The following OR2A25 variants were observed in gnomAD, a reference collection of about 807,000 sequenced individuals.
The protein encoded by OR2A25 is olfactory receptor family 2 subfamily A member 25.
For synonymous variants in OR2A25, 162 were observed against 148.1 expected (o/e 1.09, Z -0.68); for missense variants, 362 against 368.3 (o/e 0.98, Z 0.14).
chr7:144,070,166 C>T (rs1405658647), intron 1 of OR2A25: 3 of 152,154 alleles, frequency 2.0e-5, no homozygotes, highest in African/African-American at 7.2e-5. Flanking sequence ...CACTGCAACA[C>T]ACTTTCATAG....
chr7:144,075,204 T>G lies in OR2A25; in HGVS notation c.*52T>G, dbSNP rs1468354729. ...GGCTTCAAAGGGCTTTGAGATTACATCTGAACCCATCCCTACTCAGGATAC... is the reference window on the plus strand; with the variant it reads ...GGCTTCAAAGGGCTTTGAGATTACAGCTGAACCCATCCCTACTCAGGATAC... On this transcript the variant is annotated 3_prime_UTR_variant, in exon 2 of 2. Coordinates refer to ENST00000641663, the MANE Select transcript of OR2A25 (RefSeq NM_001386096.1). 1 of 1,248,670 alleles carries G rather than the reference T, an allele frequency of 8.0e-7. No homozygotes were observed. Among genetic ancestry groups the G allele is most frequent in the Non-Finnish European group, 1.1e-6 (1 of 880,616 alleles). The allele number at this position is 1,248,670 out of a possible 1,614,324, so 77.3% of individuals were successfully genotyped here. A position where few individuals can be genotyped will look rare whatever the true frequency, so the allele number is the denominator to read the frequency against.
intron 1 of OR2A25, among the ~76,000 whole-genome samples, chr7:144,073,494 G>T (rs1410983860): frequency 6.6e-6 from 1 of 151,858 alleles, no homozygotes; most frequent in East Asian, 1.9e-4. Flanking sequence ...GTAGATTACT[G>T]TATGATGAAA....
At chr7:144,072,756 A>G (rs570762628) in intron 1 of OR2A25, among the ~76,000 whole-genome samples, 3 of 152,170 alleles carry the variant, frequency 2.0e-5, no homozygotes, top group Admixed American at 2.0e-4. Context: ...TATCCAAAAG[A>G]AATGAAGTGA....
intron 1 of OR2A25, among the ~76,000 whole-genome samples, chr7:144,071,092 C>T (rs2051062990): frequency 1.3e-5 from 2 of 151,974 alleles, no homozygotes; most frequent in Admixed American, 6.6e-5. Context: ...CCCTATTTTG[C>T]TAACAAATAA....
rs750420115 is a variant in OR2A25, at chr7:144,074,322, A to G, written c.103A>G (p.Ile35Val). The change falls in exon 2 of 2, where the codon ATC (isoleucine) becomes GTC (valine). Residue 35 changes from isoleucine (I) to valine (V), a missense_variant. By Grantham distance (29) the Ile-to-Val change is conservative. Coordinates refer to ENST00000641663, the MANE Select transcript of OR2A25 (RefSeq NM_001386096.1). ...LLFGLFSLFYIFILLGNGTIL... is the reference protein window; with the variant it reads ...LLFGLFSLFYVFILLGNGTIL... ...CTTTGGGCTCTTCTCCCTGTTCTACATCTTCATTCTGTTGGGGAACGGGAC... is the reference window on the plus strand; with the variant it reads ...CTTTGGGCTCTTCTCCCTGTTCTACGTCTTCATTCTGTTGGGGAACGGGAC... 14 of 1,613,798 alleles carry G rather than the reference A, an allele frequency of 8.7e-6. No homozygotes were observed. The highest frequency in any genetic ancestry group is 1.1e-5 in the Non-Finnish European group (13 of 1,179,930).
Position 144,075,306 on chromosome 7 carries a change from T to C in OR2A25, c.*154T>C. 1.6e-6 allele frequency: 1 copy of C among 612,148 alleles called. No homozygotes were observed. The highest frequency in any genetic ancestry group is 2.1e-5 in the South Asian group (1 of 47,590). The allele number at this position is 612,148 out of a possible 1,614,324, so 37.9% of individuals were successfully genotyped here. On this transcript the variant is annotated 3_prime_UTR_variant, in exon 2 of 2. Transcript: ENST00000641663. ...TACCTCCCGAGAAAGCCCATTCTGC[T>C]TTCCTCTCTCCAGCATTGAAGGTCG...
chr7:144,074,735 A>G lies in OR2A25; in HGVS notation c.516A>G (p.Lys172=). Residue 172 remains lysine, a synonymous_variant, in exon 2 of 2, where the codon AAA becomes AAG. Coordinates refer to ENST00000641663, the MANE Select transcript of OR2A25 (RefSeq NM_001386096.1). ...LLPLSFCGPQ[K]LNHFFCEIMA... is the part of the protein sequence containing the mutation. Reference sequence around the variant, plus strand: ...CACTGTCCTTCTGTGGACCCCAGAAACTTAATCACTTTTTCTGTGAAATTA... The same window carrying G: ...CACTGTCCTTCTGTGGACCCCAGAAGCTTAATCACTTTTTCTGTGAAATTA... The G allele has an allele frequency of 6.2e-7, 1 of 1,614,090 alleles. No individual in the cohort carries two copies. The highest frequency in any genetic ancestry group is 2.2e-5 in the East Asian group (1 of 44,874).
At chr7:144,073,334 TA>T (rs1352317623) in intron 1 of OR2A25, among the ~76,000 whole-genome samples, 1 of 152,114 alleles carries the variant, frequency 6.6e-6, no homozygotes, top group African/African-American at 2.4e-5. Context: ...ATGAGTATAT[TA>T]AATTATCGCA....
At chr7:144,072,461 T>G (rs2051074005) in intron 1 of OR2A25, among the ~76,000 whole-genome samples, 1 of 152,136 alleles carries the variant, frequency 6.6e-6, no homozygotes, top group Non-Finnish European at 1.5e-5. Context: ...AGTATATGGT[T>G]AGAGTTTTAG....
At chr7:144,073,998 A>T (rs902543052) in intron 1 of OR2A25, among the ~76,000 whole-genome samples, 1 of 151,838 alleles carries the variant, frequency 6.6e-6, no homozygotes, top group East Asian at 1.9e-4. Context: ...TGTAATGAAT[A>T]CTATAATATC....
chr7:144,074,639 C>T lies in OR2A25; in HGVS notation c.420C>T (p.Cys140=), dbSNP rs781005878. The T allele has an allele frequency of 1.2e-5, 19 of 1,614,132 alleles. No homozygotes were observed. Among genetic ancestry groups the T allele is most frequent in the Non-Finnish European group, 1.4e-5 (17 of 1,180,064 alleles). The change falls in exon 2 of 2, where the codon TGC becomes TGT. Residue 140 remains cysteine, a synonymous_variant. Transcript: ENST00000641663. The part of the protein sequence containing the change: ...RYSTIMTWKV[C]ITLALTSWIL... ...CTACCATCATGACCTGGAAAGTCTG[C>T]ATCACTTTGGCATTGACTTCCTGGA...
chr7:144,074,638 G>C lies in OR2A25; in HGVS notation c.419G>C (p.Cys140Ser). ...RYSTIMTWKV[C>S]ITLALTSWIL... ...TCTACCATCATGACCTGGAAAGTCT[G>C]CATCACTTTGGCATTGACTTCCTGG... is the stretch of plus-strand genomic sequence containing the variant. Residue 140 changes from cysteine (C) to serine (S), a missense_variant, in exon 2 of 2, where the codon TGC becomes TCC. Coordinates refer to ENST00000641663, the MANE Select transcript of OR2A25 (RefSeq NM_001386096.1). The C allele has an allele frequency of 6.2e-7, 1 of 1,614,170 alleles. No individual in the cohort carries two copies. The highest frequency in any genetic ancestry group is 8.5e-7 in the Non-Finnish European group (1 of 1,180,036).
chr7:144,071,602 T>C lies in OR2A25; in HGVS notation c.-5+1706T>C, dbSNP rs188940428. On this transcript the variant is annotated intron_variant, in intron 1 of 1. Coordinates refer to ENST00000641663, the MANE Select transcript of OR2A25 (RefSeq NM_001386096.1). ...TCAATCCAACCAGGTTACATGTGCCTACAAACAAGTACAGTCTTATATGCC... is the reference window on the plus strand; with the variant it reads ...TCAATCCAACCAGGTTACATGTGCCCACAAACAAGTACAGTCTTATATGCC... 5.9e-5 allele frequency among the ~76,000 whole-genome samples: 9 copies of C among 152,214 alleles called. No individual in the cohort carries two copies. The East Asian group carries it at 1.2e-3, about 20-fold the overall frequency.
At chr7:144,070,867 G>C (rs1470329820) in intron 1 of OR2A25, among the ~76,000 whole-genome samples, 2 of 151,862 alleles carry the variant, frequency 1.3e-5, no homozygotes, top group East Asian at 3.9e-4. Flanking sequence ...TATTTATGGG[G>C]TATATGAGAT....
Position 144,074,513 on chromosome 7 carries a change from C to T in OR2A25, c.294C>T (p.Thr98=). ...CCATCTCCTTTGCTGGCTGCATGAC[C>T]CAGATGTTTCTGTTTTTGAGTTTTG... The part of the protein sequence containing the change: ...AKPISFAGCM[T]QMFLFLSFAH... Residue 98 remains threonine (T), a synonymous_variant, in exon 2 of 2, where the codon ACC becomes ACT. Coordinates refer to ENST00000641663, the MANE Select transcript of OR2A25 (RefSeq NM_001386096.1). The T allele has an allele frequency of 6.2e-7, 1 of 1,614,172 alleles. No homozygotes were observed. The highest frequency in any genetic ancestry group is 8.5e-7 in the Non-Finnish European group (1 of 1,180,044).
intron 1 of OR2A25, chr7:144,070,475 T>C (rs1029624643): frequency 6.6e-6 from 1 of 152,138 alleles, no homozygotes; most frequent in African/African-American, 2.4e-5. Context: ...ACTGTAATTC[T>C]TACCTGTTAA....
intron 1 of OR2A25, among the ~76,000 whole-genome samples, chr7:144,073,534 T>C (rs2051083101): frequency 6.6e-6 from 1 of 152,154 alleles, no homozygotes. Context: ...TAGATTACTG[T>C]AGTCCAAGAA....
chr7:144,070,097 G>A (rs2051054215), intron 1 of OR2A25, among the ~76,000 whole-genome samples: 1 of 152,070 alleles, frequency 6.6e-6, no homozygotes, highest in South Asian at 2.1e-4. Flanking sequence ...AGTACAGGGA[G>A]AGCCCTTTTC....
At chr7:144,073,994 G>A (rs139703195) in intron 1 of OR2A25, among the ~76,000 whole-genome samples, 3 of 151,784 alleles carry the variant, frequency 2.0e-5, no homozygotes, top group South Asian at 4.1e-4. Context: ...AAGATGTAAT[G>A]AATACTATAA....
Sources: allele counts gnomAD v4.1 joint callset (sites outside exome capture counted in the v4.1 genomes callset), GRCh38; gene constraint gnomAD v4.1.1; transcripts MANE v1.5; gene names NCBI Gene and HGNC (gene_info 2026-07-23, HGNC 2026-07-21).